The following CDH23 variants were observed in gnomAD, a reference collection of about 807,000 sequenced individuals.
CDH23 encodes cadherin-23.
Under a neutral mutation model 317.1 loss-of-function variants are expected in CDH23, and 189 were observed. That is an observed-to-expected ratio of 0.60 (90% CI 0.53 to 0.67). CDH23 has a LOEUF of 0.67. CDH23 is among the 30% of genes least tolerant of loss of function. CDH23 has a pLI of 0.00. For synonymous variants in CDH23, 1,839 were observed against 1,876.8 expected (o/e 0.98, Z 0.52); for missense variants, 4,401 against 4,592.4 (o/e 0.96, Z 1.20).
chr10:71,761,468 C>T lies in CDH23; in HGVS notation c.4846-16212C>T, dbSNP rs776568616. ...ACCCTTGACCACCCCATCTCACCCA[C>T]ACACTCCCTGGAGTGCCAGTGTTAC... On this transcript the variant is annotated intron_variant, in intron 38 of 69. Coordinates refer to ENST00000224721, the MANE Select transcript of CDH23 (RefSeq NM_022124.6). The T allele has an allele frequency of 4.4e-6, 5 of 1,135,418 alleles. No homozygotes were observed. In the African/African-American group the frequency reaches 4.7e-5, roughly 11 times the overall value. The allele number at this position is 1,135,418 out of a possible 1,614,324, so 70.3% of individuals were successfully genotyped here.
At chr10:71,741,544 A>C in intron 37 of CDH23, 150 bp from the exon 38 acceptor site, 1 of 661,314 alleles carries the variant, frequency 1.5e-6, no homozygotes, top group Non-Finnish European at 2.7e-6. Context: ...GTTCGCTGCT[A>C]TCATCCTTAT....
Position 71,814,970 on chromosome 10 carries a change from G to A in CDH23, c.9757G>A (p.Asp3253Asn). Residue 3253 changes from aspartate to asparagine, a missense_variant, in exon 70 of 70, where the codon GAC becomes AAC. Asp to Asn is a conservative substitution (Grantham distance 23). Transcript: ENST00000224721. ...SISELIQTELDEEPGDHSPGQ... is the reference protein window; with the variant it reads ...SISELIQTELNEEPGDHSPGQ... ...CTTGCAGCTGATACAGACTGAGCTG[G>A]ACGAGGAGCCAGGAGACCACAGCCC... 6.2e-7 allele frequency: 1 copy of A among 1,611,998 alleles called. No homozygotes were observed. Among genetic ancestry groups the A allele is most frequent in the Admixed American group, 1.7e-5 (1 of 59,960 alleles).
intron 3 of CDH23, among the ~76,000 whole-genome samples, chr10:71,449,548 GAT>G (rs1050787721): frequency 2.2e-4 from 33 of 152,146 alleles, no homozygotes; most frequent in African/African-American, 6.7e-4. Flanking sequence ...TATATATATA[GAT>G]ATATAGATAT....
chr10:71,807,350 C>T lies in CDH23; in HGVS notation c.8252C>T (p.Thr2751Ile), dbSNP rs778068337. Residue 2751 changes from threonine to isoleucine, a missense_variant, in exon 58 of 70, where the codon ACA becomes ATA. By Grantham distance (89) the Thr-to-Ile change is moderately conservative. Coordinates refer to ENST00000224721, the MANE Select transcript of CDH23 (RefSeq NM_022124.6). ...CGCGGCACCCTCGTGGGCAACGTGA[C>T]AGGCGCAGTGGATGCAGATGAGGGC... ...SPRGTLVGNV[T>I]GAVDADEGPN... 4 of 1,613,916 alleles carry T rather than the reference C, an allele frequency of 2.5e-6. No individual in the cohort carries two copies. The highest frequency in any genetic ancestry group is 3.4e-6 in the Non-Finnish European group (4 of 1,179,848).
intron 38 of CDH23, among the ~76,000 whole-genome samples, chr10:71,759,930 C>CATATATATACACACACATACATACAT (rs1169681195): frequency 9.2e-5 from 5 of 54,522 alleles, no homozygotes; most frequent in Non-Finnish European, 2.3e-4. Context: ...TACACACACA[C>CATATATATACACACACATACATACAT]ATATATACAC....
At chr10:71,407,981 G>A (rs985548509) in intron 1 of CDH23, among the ~76,000 whole-genome samples, 9 of 152,226 alleles carry the variant, frequency 5.9e-5, no homozygotes, top group Non-Finnish European at 1.0e-4. Flanking sequence ...AATGAGTTGC[G>A]ATAACCTAAA....
At chr10:71,642,967 C>A (rs762119361) in intron 11 of CDH23, among the ~76,000 whole-genome samples, 1 of 152,228 alleles carries the variant, frequency 6.6e-6, no homozygotes. Context: ...ACAGAGGGAA[C>A]TGTAACCCAG....
intron 11 of CDH23, among the ~76,000 whole-genome samples, chr10:71,631,114 G>T (rs1406114829): frequency 1.3e-5 from 2 of 152,218 alleles, no homozygotes; most frequent in Non-Finnish European, 2.9e-5. Flanking sequence ...GCATGGTGGC[G>T]CACACTTGTA....
At chr10:71,503,330 G>T (rs112670761) in intron 3 of CDH23, among the ~76,000 whole-genome samples, 784 of 152,360 alleles carry the variant, frequency 5.1e-3, no homozygotes, top group Admixed American at 8.0e-3. Flanking sequence ...AAAGACAAGT[G>T]CTACTGATTT....
intron 14 of CDH23, among the ~76,000 whole-genome samples, chr10:71,674,842 G>A (rs1864290776): frequency 6.6e-6 from 1 of 152,216 alleles, no homozygotes; most frequent in Admixed American, 6.5e-5. Flanking sequence ...TTAGGTCAGG[G>A]GAGATGGAGG....
intron 48 of CDH23, chr10:71,796,053 A>G (rs994664170): frequency 1.0e-6 from 1 of 986,708 alleles, no homozygotes; most frequent in Non-Finnish European, 1.2e-6. Context: ...GAAGAGGAGG[A>G]GGAGGAGGAG....
chr10:71,695,655 C>T (rs1865359522), intron 22 of CDH23, 130 bp downstream of exon 22: 2 of 656,690 alleles, frequency 3.0e-6, no homozygotes, highest in Non-Finnish European at 5.4e-6. Context: ...CTGGCTCTTG[C>T]AATAGAGTTC....
intron 38 of CDH23, among the ~76,000 whole-genome samples, chr10:71,762,546 G>C (rs748458692): frequency 3.3e-5 from 5 of 152,262 alleles, no homozygotes; most frequent in Non-Finnish European, 5.9e-5. Flanking sequence ...CTGAATGCAT[G>C]GCCTCCCCTT....
At chr10:71,636,547 G>A (rs560334471) in intron 11 of CDH23, among the ~76,000 whole-genome samples, 45 of 152,250 alleles carry the variant, frequency 3.0e-4, no homozygotes, top group African/African-American at 1.1e-3. Flanking sequence ...GGCATTACGG[G>A]CCTTAGAGAA....
At chr10:71,716,993 C>A (rs1866283323) in intron 28 of CDH23, 1 of 152,246 alleles carries the variant, frequency 6.6e-6, no homozygotes, top group Non-Finnish European at 1.5e-5. Context: ...GTAGACAGGG[C>A]ACTGACCTCC....
rs1395899121 is a variant in CDH23, at chr10:71,542,018, A to G, written c.430-24724A>G. On this transcript the variant is annotated intron_variant, in intron 6 of 69. Coordinates refer to ENST00000224721, the MANE Select transcript of CDH23 (RefSeq NM_022124.6). ...ACCATAGTTTGCTGACCCCTGATTTATATCTACAAAAGACGGTAAGGACTT... is the reference window on the plus strand; with the variant it reads ...ACCATAGTTTGCTGACCCCTGATTTGTATCTACAAAAGACGGTAAGGACTT... Among the ~76,000 whole-genome samples, 10 of 152,174 alleles carry G rather than the reference A, an allele frequency of 6.6e-5. No individual in the cohort carries two copies. In the East Asian group the frequency reaches 1.9e-3, roughly 29 times the overall value.
At chr10:71,680,987 C>T (rs1455072213) in intron 17 of CDH23, among the ~76,000 whole-genome samples, 2 of 151,242 alleles carry the variant, frequency 1.3e-5, no homozygotes, top group Non-Finnish European at 2.9e-5. Flanking sequence ...CCACCACGCC[C>T]AGCTAATTTT....
chr10:71,605,070 A>G (rs1414915087), intron 9 of CDH23, among the ~76,000 whole-genome samples: 1 of 152,206 alleles, frequency 6.6e-6, no homozygotes, highest in Non-Finnish European at 1.5e-5. Flanking sequence ...AAAGACACAC[A>G]CCATCAAACA....
intron 6 of CDH23, among the ~76,000 whole-genome samples, chr10:71,523,681 G>A (rs1420791096): frequency 6.6e-6 from 1 of 152,222 alleles, no homozygotes; most frequent in Non-Finnish European, 1.5e-5. Context: ...CAGGTCACTG[G>A]TGAGGGGCAG....
Sources: allele counts gnomAD v4.1 joint callset (sites outside exome capture counted in the v4.1 genomes callset), GRCh38; gene constraint gnomAD v4.1.1; transcripts MANE v1.5; gene names NCBI Gene and HGNC (gene_info 2026-07-23, HGNC 2026-07-21).